Variants in GRM3 observed in about 807,000 individuals in gnomAD.
GRM3 encodes the protein metabotropic glutamate receptor 3.
GRM3 carries 26 observed loss-of-function variants against 70.5 expected under a neutral mutation model. The ratio of observed to expected loss-of-function variants is 0.37; its 90% CI spans 0.27 to 0.51. GRM3 has a LOEUF of 0.51. GRM3 is among the 20% of genes least tolerant of loss of function. The pLI, the probability that GRM3 is intolerant of heterozygous loss-of-function variation, is 0.93. For synonymous variants in GRM3, 443 were observed against 434.9 expected, an observed-to-expected ratio of 1.02 and a Z score of -0.23; for missense variants, 859 against 1,123.8, an observed-to-expected ratio of 0.76 and a Z score of 3.37.
intron 1 of GRM3, among the ~76,000 whole-genome samples, chr7:86,749,619 C>T (rs997221488): frequency 1.3e-5 from 2 of 152,096 alleles, no homozygotes; most frequent in Non-Finnish European, 2.9e-5. Context: ...TTCTAAGTGT[C>T]GTGACCTAGA....
intron 3 of GRM3, among the ~76,000 whole-genome samples, chr7:86,819,677 C>T (rs898613596): frequency 1.3e-5 from 2 of 152,124 alleles, no homozygotes; most frequent in South Asian, 4.1e-4. Flanking sequence ...AGTGCAGTTT[C>T]TCAGGGGCAT....
intron 1 of GRM3, among the ~76,000 whole-genome samples, chr7:86,699,791 C>T (rs913808247): frequency 3.3e-5 from 5 of 151,994 alleles, no homozygotes; most frequent in Non-Finnish European, 7.4e-5. Context: ...AAAAGTTATG[C>T]GTCACCAGAT....
chr7:86,694,171 A>G (rs1023119508), intron 1 of GRM3, among the ~76,000 whole-genome samples: 1 of 152,160 alleles, frequency 6.6e-6, no homozygotes, highest in African/African-American at 2.4e-5. Flanking sequence ...AGAATGGGAA[A>G]TATCTCTAAC....
rs924749281 is a variant in GRM3 at position 86,746,374 on chromosome 7, T to A, written c.-140-18632T>A. Among the ~76,000 whole-genome samples the A allele has an allele frequency of 1.1e-4, 14 of 132,982 alleles. 1 individual carries two copies. Among genetic ancestry groups the A allele is most frequent in the African/African-American group, 3.3e-4 (12 of 36,626 alleles). The allele number at this position is 132,982 out of a possible 152,430, so 87.2% of individuals were successfully genotyped here. On this transcript the variant is annotated intron_variant, in intron 1 of 5. Coordinates refer to ENST00000361669, the MANE Select transcript of GRM3 (RefSeq NM_000840.3). Reference sequence around the variant, plus strand: ...ATATATATATATATATATATATATATAATCACTTCAATAGAATTCTGTGCT... The same window carrying A: ...ATATATATATATATATATATATATAAAATCACTTCAATAGAATTCTGTGCT...
rs186122756 is a variant in GRM3 at position 86,727,385 on chromosome 7, G to A, written c.-140-37621G>A. On this transcript the variant is annotated intron_variant, in intron 1 of 5. Coordinates refer to ENST00000361669, the MANE Select transcript of GRM3 (RefSeq NM_000840.3). ...TCTGGTTAACTCCCAAATCCCAAAA[G>A]TTCTTGAAGACTCCCTTCAGTTATC... Among the ~76,000 whole-genome samples the A allele has an allele frequency of 9.2e-5, 14 of 152,190 alleles. No individual in the cohort carries two copies. In the East Asian group the frequency reaches 1.9e-3, roughly 21 times the overall value.
chr7:86,820,138 G>A (rs1798090981), intron 3 of GRM3, among the ~76,000 whole-genome samples: 2 of 152,118 alleles, frequency 1.3e-5, no homozygotes, highest in Admixed American at 1.3e-4. Context: ...GTAGTTTGTG[G>A]GCAGCTTTTG....
intron 1 of GRM3, among the ~76,000 whole-genome samples, chr7:86,647,916 C>G (rs1354758354): frequency 6.6e-6 from 1 of 152,144 alleles, no homozygotes; most frequent in Non-Finnish European, 1.5e-5. Flanking sequence ...AAGACTATTT[C>G]AGTCTAATGG....
At chr7:86,676,844 T>C (rs1295219041) in intron 1 of GRM3, among the ~76,000 whole-genome samples, 1 of 151,998 alleles carries the variant, frequency 6.6e-6, no homozygotes, top group Non-Finnish European at 1.5e-5. Context: ...AAAGTAATGG[T>C]ATTTAACCAT....
chr7:86,838,384 G>T (rs1483462963), intron 3 of GRM3, among the ~76,000 whole-genome samples: 1 of 152,000 alleles, frequency 6.6e-6, no homozygotes, highest in South Asian at 2.1e-4. Context: ...TTTTGAAGCA[G>T]AAAAATTCTT....
At chr7:86,828,075 G>A (rs1180228899) in intron 3 of GRM3, among the ~76,000 whole-genome samples, 2 of 131,628 alleles carry the variant, frequency 1.5e-5, no homozygotes, top group Non-Finnish European at 3.0e-5. Context: ...TCGTGCCACT[G>A]CACTACAGCC....
chr7:86,764,261 T>C (rs1796548378), intron 1 of GRM3, among the ~76,000 whole-genome samples: 2 of 151,954 alleles, frequency 1.3e-5, no homozygotes, highest in Admixed American at 1.3e-4. Context: ...TGTTAAACAA[T>C]GGAATTTGAG....
At chr7:86,802,997 C>G (rs1797715486) in intron 3 of GRM3, among the ~76,000 whole-genome samples, 1 of 152,172 alleles carries the variant, frequency 6.6e-6, no homozygotes, top group Non-Finnish European at 1.5e-5. Context: ...CACCAATAAT[C>G]ACATTTTAGC....
At chr7:86,840,116 GA>G (rs1203836102) in intron 4 of GRM3, among the ~76,000 whole-genome samples, 1 of 152,214 alleles carries the variant, frequency 6.6e-6, no homozygotes, top group East Asian at 1.9e-4. Flanking sequence ...GCTAGGCACA[GA>G]GGGGAAGAGA....
At chr7:86,834,737 C>T (rs1012022127) in intron 3 of GRM3, among the ~76,000 whole-genome samples, 2 of 151,802 alleles carry the variant, frequency 1.3e-5, no homozygotes, top group African/African-American at 4.8e-5. Flanking sequence ...TTTAGAAGTG[C>T]TTACCAGAAA....
At chr7:86,781,384 T>G (rs1350378643) in intron 2 of GRM3, among the ~76,000 whole-genome samples, 3 of 152,202 alleles carry the variant, frequency 2.0e-5, no homozygotes, top group African/African-American at 7.2e-5. Context: ...GTCTTTGACT[T>G]TAGCCACCCT....
At chr7:86,811,783 T>C (rs1358246908) in intron 3 of GRM3, among the ~76,000 whole-genome samples, 2 of 151,760 alleles carry the variant, frequency 1.3e-5, no homozygotes, top group East Asian at 3.9e-4. Flanking sequence ...GTCGCTTTGA[T>C]TGAATTCAGA....
intron 2 of GRM3, among the ~76,000 whole-genome samples, chr7:86,779,144 C>T (rs1395709974): frequency 2.0e-5 from 3 of 152,106 alleles, no homozygotes; most frequent in Non-Finnish European, 4.4e-5. Flanking sequence ...TGGATGCCTA[C>T]TGTAGCATCA....
chr7:86,850,444 G>A lies in GRM3; in HGVS notation c.2466G>A (p.Lys822=), dbSNP rs761153575. The change falls in exon 5 of 6, where the codon AAG becomes AAA. Residue 822 remains lysine, a synonymous_variant. Coordinates refer to ENST00000361669, the MANE Select transcript of GRM3 (RefSeq NM_000840.3). ...TCTTGGGCTGTTTGTTTGCACCCAAGGTTCACATCATCCTGTTTCAACCCC... is the reference window on the plus strand; with the variant it reads ...TCTTGGGCTGTTTGTTTGCACCCAAAGTTCACATCATCCTGTTTCAACCCC... ...FVVLGCLFAP[K]VHIILFQPQK... is the part of the protein sequence containing the mutation. 2.3e-5 allele frequency: 37 copies of A among 1,612,344 alleles called. No homozygotes were observed. The highest frequency in any genetic ancestry group is 1.3e-4 in the South Asian group (12 of 91,042).
chr7:86,701,182 C>T (rs114354707), intron 1 of GRM3, among the ~76,000 whole-genome samples: 2,071 of 151,470 alleles, frequency 0.014, 39 homozygotes, highest in African/African-American at 0.048. Flanking sequence ...GATGTCCAAC[C>T]GAAGAATATT....
Sources: allele counts gnomAD v4.1 joint callset (sites outside exome capture counted in the v4.1 genomes callset), GRCh38; gene constraint gnomAD v4.1.1; transcripts MANE v1.5; gene names NCBI Gene and HGNC (gene_info 2026-07-23, HGNC 2026-07-21).